Variants in IL1RAPL1 observed in about 807,000 individuals in gnomAD.
IL1RAPL1 encodes the protein interleukin-1 receptor accessory protein-like 1.
Under a neutral mutation model 48.4 loss-of-function variants are expected in IL1RAPL1, and 3 were observed. That is an observed-to-expected ratio of 0.06 (90% CI 0.03 to 0.16). The LOEUF is 0.16. Ranked by LOEUF, IL1RAPL1 falls within the 10% of genes least tolerant of loss-of-function variation. The probability of loss-of-function intolerance (pLI) is 1.00; values close to 1 mark genes in which losing one functional copy is unlikely to be tolerated. For synonymous variants in IL1RAPL1, 185 were observed against 187.7 expected, an observed-to-expected ratio of 0.99 and a Z score of 0.12; for missense variants, 349 against 530.6, an observed-to-expected ratio of 0.66 and a Z score of 3.36.
At chrX:29,100,522 G>C (rs991617494) in intron 2 of IL1RAPL1, among the ~76,000 whole-genome samples, 1 of 111,851 alleles carries the variant, frequency 8.9e-6, no homozygotes, top group Non-Finnish European at 1.9e-5. Flanking sequence ...GTCTACTCCT[G>C]TGGTAGACTT....
chrX:29,065,914 C>T (rs1927441970), intron 2 of IL1RAPL1, among the ~76,000 whole-genome samples: 1 of 111,824 alleles, frequency 8.9e-6, no homozygotes. Context: ...TTTGATATAG[C>T]ATTGCCATCA....
intron 2 of IL1RAPL1, among the ~76,000 whole-genome samples, chrX:29,184,111 A>G (rs1930203114): frequency 8.9e-6 from 1 of 112,363 alleles, no homozygotes; most frequent in East Asian, 2.8e-4. Flanking sequence ...AACCCATTTC[A>G]ACGTGTATAT....
chrX:28,730,132 T>C (rs1160516138), intron 1 of IL1RAPL1, among the ~76,000 whole-genome samples: 1 of 111,849 alleles, frequency 8.9e-6, no homozygotes, highest in Non-Finnish European at 1.9e-5. Flanking sequence ...AGAAAGCTTA[T>C]CCATTTGCTG....
chrX:28,765,380 C>G (rs188627306), intron 1 of IL1RAPL1, among the ~76,000 whole-genome samples: 1 of 110,963 alleles, frequency 9.0e-6, no homozygotes, highest in African/African-American at 3.3e-5. Context: ...TTTGCTTACC[C>G]CTGCCCTAAG....
chrX:29,331,603 T>G (rs1932886007), intron 3 of IL1RAPL1, among the ~76,000 whole-genome samples: 1 of 112,233 alleles, frequency 8.9e-6, no homozygotes, highest in Non-Finnish European at 1.9e-5. Flanking sequence ...CCCATTTCCT[T>G]TAAAAATCTC....
rs16988319 is a variant in IL1RAPL1, at chrX:28,742,020, A to G, written c.-24-47300A>G. On this transcript the variant is annotated intron_variant, in intron 1 of 10. Coordinates refer to ENST00000378993, the MANE Select transcript of IL1RAPL1 (RefSeq NM_014271.4). ...TTCAGACTGAAATTAGATTGGCGTA[A>G]GTGAACAATTAATTTGGATGTTAGT... Among the ~76,000 whole-genome samples the G allele has an allele frequency of 6.5e-3, 725 of 111,437 alleles. 3 individuals are homozygous for G. The highest frequency in any genetic ancestry group is 0.023 in the African/African-American group (701 of 30,777).
intron 6 of IL1RAPL1, among the ~76,000 whole-genome samples, chrX:29,849,399 A>G (rs1931316860): frequency 8.9e-6 from 1 of 111,738 alleles, no homozygotes; most frequent in African/African-American, 3.3e-5. Flanking sequence ...CTGGTGACCA[A>G]GATAACCCAG....
chrX:29,807,873 C>T (rs1166795610), intron 6 of IL1RAPL1, among the ~76,000 whole-genome samples: 1 of 110,673 alleles, frequency 9.0e-6, no homozygotes, highest in African/African-American at 3.3e-5. Context: ...AATAAGAACA[C>T]ATAAAATAGC....
chrX:28,596,568 T>C (rs2146876136), intron 1 of IL1RAPL1, among the ~76,000 whole-genome samples: 1 of 111,296 alleles, frequency 9.0e-6, no homozygotes, highest in African/African-American at 3.3e-5. Context: ...CATCCCTTGG[T>C]GTCCATGGGG....
At chrX:29,394,699 G>A (rs1267222924) in intron 3 of IL1RAPL1, among the ~76,000 whole-genome samples, 4 of 111,559 alleles carry the variant, frequency 3.6e-5, no homozygotes, top group Non-Finnish European at 7.5e-5. Context: ...AGGGCCTGAG[G>A]ACAGGGAATA....
At position 29,635,793 on chromosome X, in the gene IL1RAPL1, C is replaced by T. The variant is rs187334351; in HGVS notation, c.704-32637C>T. Among the ~76,000 whole-genome samples the T allele has an allele frequency of 7.1e-3, 724 of 102,405 alleles. 4 individuals are homozygous for T. The highest frequency in any genetic ancestry group is 0.025 in the African/African-American group (690 of 28,117). The allele number at this position is 102,405 out of a possible 115,157, so 88.9% of individuals were successfully genotyped here. A position where few individuals can be genotyped will look rare whatever the true frequency, so the allele number is the denominator to read the frequency against. On this transcript the variant is annotated intron_variant, in intron 5 of 10. Transcript: ENST00000378993. ...TGTTAAATATGTAAATGGATGCTTC[C>T]GGAAAAAAAAAAAAACCCAAAAACT...
At chrX:28,939,491 C>T (rs146866510) in intron 2 of IL1RAPL1, among the ~76,000 whole-genome samples, 3,487 of 110,083 alleles carry the variant, frequency 0.032, 116 homozygotes, top group African/African-American at 0.11. Context: ...TGAGAACTCA[C>T]GGACACAAAG....
At chrX:29,528,916 T>A (rs1935583358) in intron 5 of IL1RAPL1, among the ~76,000 whole-genome samples, 1 of 110,855 alleles carries the variant, frequency 9.0e-6, no homozygotes, top group South Asian at 3.8e-4. Context: ...ACAGTTAATA[T>A]CACCAAAAAG....
intron 6 of IL1RAPL1, among the ~76,000 whole-genome samples, chrX:29,897,339 A>G (rs1021053209): frequency 1.1e-4 from 12 of 112,219 alleles, no homozygotes; most frequent in Non-Finnish European, 3.8e-5. Flanking sequence ...TTTTTATAAG[A>G]TGAATGATCT....
At chrX:28,901,153 A>G (rs908935836) in intron 2 of IL1RAPL1, among the ~76,000 whole-genome samples, 3 of 111,999 alleles carry the variant, frequency 2.7e-5, no homozygotes, top group African/African-American at 9.7e-5. Flanking sequence ...ATGAAAGAAA[A>G]AAATAGAATG....
intron 3 of IL1RAPL1, among the ~76,000 whole-genome samples, chrX:29,340,536 A>T (rs1933059607): frequency 8.9e-6 from 1 of 112,154 alleles, no homozygotes; most frequent in African/African-American, 3.2e-5. Flanking sequence ...TTTTTATAAT[A>T]AAAGCCTAAT....
chrX:29,723,979 T>G (rs951952028), intron 6 of IL1RAPL1, among the ~76,000 whole-genome samples: 1 of 110,157 alleles, frequency 9.1e-6, no homozygotes, highest in African/African-American at 3.3e-5. Context: ...CATGCCCAGC[T>G]AAGTTTTGTA....
intron 2 of IL1RAPL1, among the ~76,000 whole-genome samples, chrX:28,900,445 A>G (rs138524923): frequency 0.038 from 4,264 of 111,789 alleles, 95 homozygotes; most frequent in Non-Finnish European, 0.061. Context: ...AAATTTAACT[A>G]TGAGCTTTCT....
intron 6 of IL1RAPL1, among the ~76,000 whole-genome samples, chrX:29,705,199 G>A (rs891783126): frequency 3.6e-5 from 4 of 111,602 alleles, no homozygotes; most frequent in Non-Finnish European, 3.8e-5. Flanking sequence ...ACACTATTTC[G>A]TGTCTATTAC....
Sources: gnomAD v4.1 joint callset for allele counts (sites outside exome capture counted in the v4.1 genomes callset) on GRCh38, gnomAD v4.1.1 for gene constraint, MANE v1.5 for transcripts, NCBI Gene and HGNC (gene_info 2026-07-23, HGNC 2026-07-21) for gene names.